MYH9: variants seen among roughly 807,000 people sequenced by gnomAD.
MYH9 encodes myosin heavy chain 9, also known as myosin-9.
Under a neutral mutation model 241.9 loss-of-function variants are expected in MYH9, and 29 were observed. The observed-to-expected ratio is 0.12, with a 90% CI of 0.09 to 0.16. The LOEUF is 0.16. Ranked by LOEUF, MYH9 falls within the 10% of genes least tolerant of loss-of-function variation. The pLI is 1.00. For synonymous variants in MYH9, 1,047 were observed against 1,062.6 expected (o/e 0.99, Z 0.29); for missense variants, 1,803 against 2,595.5 (o/e 0.69, Z 6.63).
Position 36,295,137 on chromosome 22 carries a change from G to C in MYH9, c.3486-61C>G. On this transcript the variant is annotated intron_variant, in intron 26 of 40. Transcript: ENST00000216181. This position sits in a 1 kb window ranked among gnomAD's most constrained non-coding sequence, Gnocchi z 4.1. ...GATGCTGGAGCGAGGCTGTCCCTGG[G>C]GCTCTTCCCTGACCAAAGAGAGGCC... 6.2e-7 allele frequency: 1 copy of C among 1,611,434 alleles called. No homozygotes were observed. The highest frequency in any genetic ancestry group is 8.5e-7 in the Non-Finnish European group (1 of 1,178,784).
At chr22:36,313,149 A>G (rs1318561663) in intron 13 of MYH9, among the ~76,000 whole-genome samples, 1 of 148,088 alleles carries the variant, frequency 6.8e-6, no homozygotes, top group Admixed American at 6.8e-5. Context: ...CCTTCTGATC[A>G]ATTAACCATA....
chr22:36,313,271 G>A, intron 13 of MYH9, among the ~76,000 whole-genome samples: 1 of 151,536 alleles, frequency 6.6e-6, no homozygotes, highest in East Asian at 1.9e-4. Context: ...AGACCACGGT[G>A]AAACTCCGCC....
intron 21 of MYH9, among the ~76,000 whole-genome samples, 165 bp from the exon 22 acceptor site, chr22:36,301,222 G>A (rs1268712584): frequency 2.0e-5 from 3 of 152,174 alleles, no homozygotes; most frequent in Admixed American, 6.5e-5. Flanking sequence ...TCCAGACATC[G>A]TGTCCTTGAT....
rs764189836 is a variant in MYH9 at position 36,306,011 on chromosome 22, C to T, written c.2078G>A (p.Arg693His). 8.1e-6 allele frequency: 13 copies of T among 1,613,194 alleles called. No homozygotes were observed. The highest frequency in any genetic ancestry group is 1.7e-5 in the Admixed American group (1 of 60,002). The change falls in exon 17 of 41, where the codon CGC becomes CAC. Residue 693 changes from arginine (R) to histidine (H), a missense_variant. Physicochemically the swap from Arg to His is conservative, Grantham distance 29. Coordinates refer to ENST00000216181, the MANE Select transcript of MYH9 (RefSeq NM_002473.6). This position sits in a 1 kb window ranked among gnomAD's most constrained non-coding sequence, Gnocchi z 4.1. The part of the protein sequence containing the change: ...LDPHLVLDQL[R>H]CNGVLEGIRI... ...GATGCCCTCGAGAACACCGTTGCAGCGCAGCTGGTCCAGCACGAGATGCGG... is the reference window on the plus strand; with the variant it reads ...GATGCCCTCGAGAACACCGTTGCAGTGCAGCTGGTCCAGCACGAGATGCGG...
intron 40 of MYH9, among the ~76,000 whole-genome samples, chr22:36,283,036 C>G (rs2016518616): frequency 6.6e-6 from 1 of 152,198 alleles, no homozygotes; most frequent in South Asian, 2.1e-4. Context: ...AGCACAAAAA[C>G]AGCTCAGGCA....
In MYH9 at chr22:36,332,535, G is replaced by C. The variant is rs542569385; in HGVS notation, c.491-5047C>G. 5.9e-5 allele frequency among the ~76,000 whole-genome samples: 9 copies of C among 152,152 alleles called. No individual in the cohort carries two copies. In the East Asian group the frequency reaches 1.2e-3, roughly 20 times the overall value. The stretch of plus-strand genomic sequence containing the variant: ...CCAGAAGCCAGTTCGACTCGGCCCA[G>C]TGCCTCTGCCCCATAGCCCCTGTGA... On this transcript the variant is annotated intron_variant, in intron 3 of 40. Coordinates refer to ENST00000216181, the MANE Select transcript of MYH9 (RefSeq NM_002473.6).
Position 36,301,500 on chromosome 22 carries a change from G to A in MYH9, c.2631+34C>T, listed in dbSNP as rs761461377. 4.0e-5 allele frequency: 65 copies of A among 1,610,986 alleles called. 1 individual carries two copies. The Admixed American group carries it at 4.2e-4, about 10-fold the overall frequency. On this transcript the variant is annotated intron_variant, in intron 21 of 40. Coordinates refer to ENST00000216181, the MANE Select transcript of MYH9 (RefSeq NM_002473.6). Reference sequence around the variant, plus strand: ...AGCAGGTGGCAGCACCAGGCAGGTCGTGCGACCTGGACTGAGCCTGCACTG... The same window carrying A: ...AGCAGGTGGCAGCACCAGGCAGGTCATGCGACCTGGACTGAGCCTGCACTG...
intron 11 of MYH9, 57 bp from the exon 12 acceptor site, chr22:36,316,726 T>TA (rs2017158804): frequency 1.4e-5 from 23 of 1,604,804 alleles, no homozygotes; most frequent in Non-Finnish European, 1.9e-5. Flanking sequence ...AAAACCCTCA[T>TA]ACCCTATGCC....
chr22:36,341,684 G>A (rs975766493), intron 2 of MYH9, among the ~76,000 whole-genome samples, 158 bp from the exon 3 acceptor site: 4 of 152,156 alleles, frequency 2.6e-5, no homozygotes, highest in Admixed American at 6.5e-5. Context: ...CCCAGCTCCC[G>A]CAGCCCTGCT....
At chr22:36,324,193 C>A (rs994815573) in intron 5 of MYH9, among the ~76,000 whole-genome samples, 13 of 152,254 alleles carry the variant, frequency 8.5e-5, no homozygotes, top group African/African-American at 3.1e-4. Flanking sequence ...GGCCGCGGGG[C>A]CAAGTCGGGA....
intron 35 of MYH9, 87 bp from the exon 36 acceptor site, chr22:36,286,040 C>T (rs906083165): frequency 1.0e-5 from 15 of 1,470,550 alleles, no homozygotes; most frequent in Non-Finnish European, 1.4e-5. Context: ...TCCCCTCAAG[C>T]CCTTCCCCAG....
chr22:36,339,659 G>C (rs1350996944), intron 3 of MYH9, among the ~76,000 whole-genome samples: 1 of 152,148 alleles, frequency 6.6e-6, no homozygotes, highest in Non-Finnish European at 1.5e-5. Context: ...GGACAAAGTG[G>C]TTAACCCAAC....
intron 5 of MYH9, chr22:36,325,066 T>C: frequency 1.3e-6 from 1 of 773,680 alleles, no homozygotes; most frequent in Non-Finnish European, 2.4e-6. Context: ...AATTCAGAGA[T>C]GGAAAAGCAC....
intron 1 of MYH9, among the ~76,000 whole-genome samples, chr22:36,363,777 G>T (rs955156102): frequency 2.0e-5 from 3 of 152,196 alleles, no homozygotes; most frequent in African/African-American, 7.2e-5. Context: ...CTCACCCCCA[G>T]GTTGGAAGCG....
Position 36,298,958 on chromosome 22 carries a change from G to A in MYH9, c.3061C>T (p.Leu1021Phe), listed in dbSNP as rs1365263842. The change falls in exon 24 of 41, where the codon CTC becomes TTC. Residue 1021 changes from leucine (L) to phenylalanine (F), a missense_variant. This residue lies in a region of MYH9 where 290 missense variants were observed against 360.5 expected (regional missense o/e 0.80). Transcript: ENST00000216181. ...ATCATTGCCTCATGCTTGTTCTTGA[G>A]CTTGGCGAGGCTCTTAGATTTCTCC... ...EEEKSKSLAK[L>F]KNKHEAMITD... 1 of 1,614,138 alleles carries A rather than the reference G, an allele frequency of 6.2e-7. No homozygotes were observed. Among genetic ancestry groups the A allele is most frequent in the East Asian group, 2.2e-5 (1 of 44,888 alleles).
chr22:36,355,275 T>C (rs2017837837), intron 1 of MYH9, among the ~76,000 whole-genome samples: 1 of 152,132 alleles, frequency 6.6e-6, no homozygotes, highest in Non-Finnish European at 1.5e-5. Context: ...TGAAAGTAAA[T>C]AGGTTGACCA....
At position 36,316,687 on chromosome 22, in the gene MYH9, G is replaced by A. The variant is rs376249276; in HGVS notation, c.1228-18C>T. On this transcript the variant is annotated intron_variant, in intron 11 of 40. Coordinates refer to ENST00000216181, the MANE Select transcript of MYH9 (RefSeq NM_002473.6). ...AAGTCAGCCTGCGGGGCACACCCGG[G>A]GAGCGTGGTGTCAGATACAAAGGAT... The A allele has an allele frequency of 1.5e-5, 24 of 1,613,220 alleles. No individual in the cohort carries two copies. The highest frequency in any genetic ancestry group is 3.4e-4 in the Middle Eastern group (2 of 5,876).
At chr22:36,348,837 A>AGGGGGGGGGGGGG in intron 2 of MYH9, 67 bp downstream of exon 2, 1 of 539,146 alleles carries the variant, frequency 1.9e-6, no homozygotes, top group Non-Finnish European at 2.9e-6. Flanking sequence ...TGATGGGAAG[A>AGGGGGGGGGGGGG]CCCGCCCCCC....
At position 36,288,952 on chromosome 22, in the gene MYH9, G is replaced by A. The variant is rs727504948; in HGVS notation, c.4558-13C>T. 7.4e-6 allele frequency: 12 copies of A among 1,613,696 alleles called. No homozygotes were observed. The Admixed American group carries it at 1.3e-4, about 18-fold the overall frequency. ...CCAGCTCGTGGACCTGAGCCCCAGA[G>A]AGCCCAAGTCAGGAGCAAAGGGACT... On this transcript the variant is annotated splice_polypyrimidine_tract_variant and intron_variant, in intron 32 of 40. Transcript: ENST00000216181. This position sits in a 1 kb window ranked among gnomAD's most constrained non-coding sequence, Gnocchi z 4.8.
Sources: allele counts gnomAD v4.1 joint callset (sites outside exome capture counted in the v4.1 genomes callset), GRCh38; gene constraint gnomAD v4.1.1; regional missense constraint gnomAD v4.1.1; non-coding constraint Gnocchi (gnomAD v3.1); transcripts MANE v1.5; gene names NCBI Gene and HGNC (gene_info 2026-07-23, HGNC 2026-07-21).